APBB2: variants seen among roughly 807,000 people sequenced by gnomAD.
APBB2 encodes the protein amyloid beta precursor protein binding family B member 2.
A neutral mutation model predicts 82.5 loss-of-function variants in APBB2; 38 were observed. That is an observed-to-expected ratio of 0.46 (90% CI 0.36 to 0.60). The LOEUF (loss-of-function observed/expected upper bound fraction) is 0.60. Among genes scored for constraint, APBB2 ranks in the 20% least tolerant of loss-of-function variants. The pLI is 0.00. For missense variants in APBB2, 772 were observed against 972.3 expected (o/e 0.79, Z 2.74); for synonymous variants, 341 against 368.2 (o/e 0.93, Z 0.85).
At chr4:41,180,948 T>G (rs1234532108) in intron 1 of APBB2, among the ~76,000 whole-genome samples, 3 of 27,404 alleles carry the variant, frequency 1.1e-4, no homozygotes, top group South Asian at 7.9e-4. Context: ...GTCCCTTTCA[T>G]CTAAAAAAAA....
intron 2 of APBB2, among the ~76,000 whole-genome samples, chr4:41,136,946 T>A (rs1389697556): frequency 6.6e-6 from 1 of 152,210 alleles, no homozygotes; most frequent in Non-Finnish European, 1.5e-5. Context: ...CATAACGCAG[T>A]TGTAACTAAA....
chr4:41,119,333 C>T (rs1752089380), intron 2 of APBB2, among the ~76,000 whole-genome samples: 1 of 151,924 alleles, frequency 6.6e-6, no homozygotes, highest in African/African-American at 2.4e-5. Context: ...AAATGTGTGG[C>T]ACGTGTTTTT....
chr4:41,142,863 G>C (rs1333777702), intron 2 of APBB2, 124 bp downstream of exon 2: 2 of 152,194 alleles, frequency 1.3e-5, no homozygotes, highest in African/African-American at 4.8e-5. Context: ...CACATGCTGG[G>C]ACTCTCACAA....
chr4:40,905,187 C>T (rs1560852208), intron 10 of APBB2, among the ~76,000 whole-genome samples: 1 of 152,126 alleles, frequency 6.6e-6, no homozygotes, highest in African/African-American at 2.4e-5. Context: ...ATATCGCCCA[C>T]GATATCCATC....
intron 5 of APBB2, among the ~76,000 whole-genome samples, chr4:41,029,047 CA>C (rs1400943205): frequency 6.6e-6 from 1 of 152,226 alleles, no homozygotes; most frequent in Non-Finnish European, 1.5e-5. Context: ...TGGAAACTGA[CA>C]AACGGGCCCA....
intron 10 of APBB2, among the ~76,000 whole-genome samples, chr4:40,932,524 C>T (rs1414886382): frequency 6.6e-6 from 1 of 152,194 alleles, no homozygotes; most frequent in Non-Finnish European, 1.5e-5. Flanking sequence ...TGGTGTTCCC[C>T]TCTTAAGTGC....
At chr4:41,051,187 C>T (rs1200048968) in intron 4 of APBB2, among the ~76,000 whole-genome samples, 2 of 152,158 alleles carry the variant, frequency 1.3e-5, no homozygotes, top group Non-Finnish European at 1.5e-5. Flanking sequence ...TGAGCTCACA[C>T]CCACAGATTC....
At chr4:41,153,522 A>G (rs1762770404) in intron 1 of APBB2, among the ~76,000 whole-genome samples, 1 of 152,226 alleles carries the variant, frequency 6.6e-6, no homozygotes, top group Non-Finnish European at 1.5e-5. Flanking sequence ...TAACTAGGCA[A>G]CAAGTCCGGA....
chr4:40,910,503 T>C (rs576129115), intron 10 of APBB2, among the ~76,000 whole-genome samples: 1 of 152,256 alleles, frequency 6.6e-6, no homozygotes, highest in East Asian at 1.9e-4. Context: ...TCTCCCAAAG[T>C]GCTAGGATTA....
In APBB2 at chr4:40,909,763, G is replaced by A. The variant is rs549307118; in HGVS notation, c.1255-16352C>T. On this transcript the variant is annotated intron_variant, in intron 10 of 17. Coordinates refer to ENST00000508593, the MANE Select transcript of APBB2 (RefSeq NM_004307.2). ...ATGATACTAGCAGTGACTATTTATC[G>A]AGGGCTCACTCTGTGCTGAGTGTTT... 2.8e-4 allele frequency among the ~76,000 whole-genome samples: 43 copies of A among 152,204 alleles called. No individual in the cohort carries two copies. In the South Asian group the frequency reaches 7.9e-3, roughly 28 times the overall value.
chr4:41,194,785 A>G, intron 1 of APBB2, among the ~76,000 whole-genome samples: 1 of 152,244 alleles, frequency 6.6e-6, no homozygotes, highest in Non-Finnish European at 1.5e-5. Context: ...CTGAATACTT[A>G]AAACAATTCT....
intron 6 of APBB2, among the ~76,000 whole-genome samples, chr4:41,004,360 T>C (rs1370815457): frequency 6.6e-6 from 1 of 152,228 alleles, no homozygotes; most frequent in Non-Finnish European, 1.5e-5. Context: ...CTTTTCTTAC[T>C]TACTGAGGTA....
intron 1 of APBB2, among the ~76,000 whole-genome samples, chr4:41,177,896 GCTCCAGT>G (rs1163552973): frequency 2.6e-5 from 4 of 152,154 alleles, no homozygotes; most frequent in Admixed American, 1.3e-4. Context: ...AATCTGAAAT[GCTCCAGT>G]GAGCATTTCC....
At chr4:40,985,772 A>C (rs540810996) in intron 6 of APBB2, among the ~76,000 whole-genome samples, 1 of 152,218 alleles carries the variant, frequency 6.6e-6, no homozygotes, top group Non-Finnish European at 1.5e-5. Flanking sequence ...CAGAAAGATA[A>C]TGACACAAAA....
chr4:40,882,896 G>C (rs1199062794), intron 12 of APBB2, among the ~76,000 whole-genome samples: 1 of 152,224 alleles, frequency 6.6e-6, no homozygotes, highest in African/African-American at 2.4e-5. Flanking sequence ...TGTGCAACTA[G>C]AGACTCTAGT....
chr4:40,858,912 T>C (rs2154333263), intron 12 of APBB2, among the ~76,000 whole-genome samples: 1 of 152,296 alleles, frequency 6.6e-6, no homozygotes, highest in East Asian at 1.9e-4. Flanking sequence ...AAACTGCAAG[T>C]GAGGCTAGAA....
At chr4:41,176,886 G>A (rs901264194) in intron 1 of APBB2, among the ~76,000 whole-genome samples, 1 of 151,844 alleles carries the variant, frequency 6.6e-6, no homozygotes, top group African/African-American at 2.4e-5. Flanking sequence ...TTTGAAAACA[G>A]CCAGAGCATG....
At chr4:41,182,081 T>C (rs1771564754) in intron 1 of APBB2, among the ~76,000 whole-genome samples, 1 of 152,188 alleles carries the variant, frequency 6.6e-6, no homozygotes, top group South Asian at 2.1e-4. Flanking sequence ...ACTTCCCTTC[T>C]AAGAAGGTCA....
chr4:40,895,490 T>A (rs571391529), intron 10 of APBB2, among the ~76,000 whole-genome samples: 22 of 152,326 alleles, frequency 1.4e-4, no homozygotes, highest in African/African-American at 5.3e-4. Context: ...GCTAGCCAGG[T>A]CTTGCCTGGC....
Sources: gnomAD v4.1 joint callset for allele counts (sites outside exome capture counted in the v4.1 genomes callset) on GRCh38, gnomAD v4.1.1 for gene constraint, MANE v1.5 for transcripts, NCBI Gene and HGNC (gene_info 2026-07-23, HGNC 2026-07-21) for gene names.